The following LINS1 variants were observed in gnomAD, a reference collection of about 807,000 sequenced individuals.
LINS1 encodes the protein lines homolog 1.
LINS1 carries 27 observed loss-of-function variants against 41.6 expected under a neutral mutation model. The observed-to-expected ratio is 0.65, with a 90% CI of 0.48 to 0.89. LINS1 has a LOEUF of 0.89. LINS1 is among the 40% of genes least tolerant of loss of function. The pLI, the probability that LINS1 is intolerant of heterozygous loss-of-function variation, is 0.00. For synonymous variants in LINS1, 336 were observed against 312.9 expected (o/e 1.07, Z -0.78); for missense variants, 955 against 884.1 (o/e 1.08, Z -1.02).
rs183048812 is a variant in LINS1, at chr15:100,572,789, T to C, written c.1223-724A>G. On this transcript the variant is annotated intron_variant, in intron 5 of 6. Transcript: ENST00000314742. Reference sequence around the variant, plus strand: ...AGACTTTGAACTCCTGAGTTACTATTCTGGAAATTATATATGTAACAATTT... The same window carrying C: ...AGACTTTGAACTCCTGAGTTACTATCCTGGAAATTATATATGTAACAATTT... 2,916 of 967,512 alleles carry C rather than the reference T, an allele frequency of 3.0e-3. 2 individuals are homozygous for C. Among genetic ancestry groups the C allele is most frequent in the Non-Finnish European group, 3.3e-3 (2,706 of 813,248 alleles). The allele number at this position is 967,512 out of a possible 1,614,324, so 59.9% of individuals were successfully genotyped here.
intron 1 of LINS1, among the ~76,000 whole-genome samples, chr15:100,592,558 A>G (rs1334871472): frequency 6.6e-6 from 1 of 150,386 alleles, no homozygotes; most frequent in Non-Finnish European, 1.5e-5. Flanking sequence ...CCTCATTAAC[A>G]TAACCTGGGG....
In LINS1 at chr15:100,569,576, T is replaced by C; in HGVS notation, c.1936A>G (p.Asn646Asp). 5.0e-6 allele frequency: 8 copies of C among 1,614,046 alleles called. No homozygotes were observed. The highest frequency in any genetic ancestry group is 6.8e-6 in the Non-Finnish European group (8 of 1,179,880). Reference sequence around the variant, plus strand: ...TGGTGTAAAGATGTCTGTTTACTGTTAGCTAAACACTGCTCTGTGGATTCC... The same window carrying C: ...TGGTGTAAAGATGTCTGTTTACTGTCAGCTAAACACTGCTCTGTGGATTCC... ...DVESTEQCLA[N>D]SKQTSLHQQA... Residue 646 changes from asparagine to aspartate, a missense_variant, in exon 7 of 7, where the codon AAC becomes GAC. Physicochemically the swap from Asn to Asp is conservative, Grantham distance 23. Transcript: ENST00000314742.
chr15:100,569,614 T>G lies in LINS1; in HGVS notation c.1898A>C (p.Asp633Ala). Residue 633 changes from aspartate (D) to alanine (A), a missense_variant, in exon 7 of 7, where the codon GAC becomes GCC. Transcript: ENST00000314742. Reference protein sequence around the residue: ...SQSLVDYDSSDDSDVESTEQC... With the variant: ...SQSLVDYDSSADSDVESTEQC... The stretch of plus-strand genomic sequence containing the variant: ...CTCTGTGGATTCCACGTCAGAATCG[T>G]CAGAGCTGTCGTAATCTACCAGACT... 2 of 1,613,350 alleles carry G rather than the reference T, an allele frequency of 1.2e-6. No individual in the cohort carries two copies. The highest frequency in any genetic ancestry group is 8.5e-7 in the Non-Finnish European group (1 of 1,179,402).
Position 100,568,448 on chromosome 15 carries a change from C to CTGTG in LINS1, c.*789_*790insCACA, listed in dbSNP as rs2037633105. The CTGTG allele has an allele frequency of 6.6e-6, 1 of 152,212 alleles. No individual in the cohort carries two copies. Among genetic ancestry groups the CTGTG allele is most frequent in the African/African-American group, 2.4e-5 (1 of 41,434 alleles). The allele number at this position is 152,212 out of a possible 1,614,324, so 9.4% of individuals were successfully genotyped here. The stretch of plus-strand genomic sequence containing the variant: ...GTAGGAGGGAAACTGGACACAGACA[C>CTGTG]AGGAAAATGCCATGTGAGGCAGGAA... On this transcript the variant is annotated 3_prime_UTR_variant, in exon 7 of 7. Transcript: ENST00000314742.
At chr15:100,581,960 G>T (rs538232420) in intron 1 of LINS1, among the ~76,000 whole-genome samples, 2 of 152,330 alleles carry the variant, frequency 1.3e-5, no homozygotes, top group South Asian at 4.1e-4. Flanking sequence ...CATTTTATAT[G>T]GGTTGTGATT....
intron 1 of LINS1, among the ~76,000 whole-genome samples, chr15:100,593,055 G>A (rs2039106257): frequency 6.6e-6 from 1 of 152,220 alleles, no homozygotes. Flanking sequence ...TCTGAGGTTT[G>A]CACATCTCAT....
At chr15:100,598,925 A>G (rs1486306604) in intron 1 of LINS1, among the ~76,000 whole-genome samples, 1 of 152,212 alleles carries the variant, frequency 6.6e-6, no homozygotes, top group Non-Finnish European at 1.5e-5. Context: ...CCTCCTGGGC[A>G]GTGGTCCTTG....
chr15:100,591,880 G>C (rs1596960199), intron 1 of LINS1, among the ~76,000 whole-genome samples: 1 of 152,230 alleles, frequency 6.6e-6, no homozygotes, highest in African/African-American at 2.4e-5. Flanking sequence ...ATAGACCATT[G>C]GTCCCTCTGC....
intron 1 of LINS1, among the ~76,000 whole-genome samples, chr15:100,600,073 AAAAC>A (rs1332501654): frequency 1.3e-5 from 2 of 152,182 alleles, no homozygotes; most frequent in South Asian, 2.1e-4. Flanking sequence ...CTCAAAAACA[AAAAC>A]AAACAAAATT....
chr15:100,575,446 C>A (rs145775155), intron 3 of LINS1, among the ~76,000 whole-genome samples: 35 of 152,192 alleles, frequency 2.3e-4, no homozygotes, highest in African/African-American at 7.5e-4. Context: ...CATAATGGTA[C>A]AGGGATCAAT....
At chr15:100,571,120 CCAAA>C (rs1555543368) in intron 6 of LINS1, among the ~76,000 whole-genome samples, 2 of 152,128 alleles carry the variant, frequency 1.3e-5, no homozygotes, top group Non-Finnish European at 2.9e-5. Flanking sequence ...AAAATTGGCC[CCAAA>C]CACTCAAGAG....
In LINS1 at chr15:100,569,875, T is replaced by C. The variant is rs749543065; in HGVS notation, c.1637A>G (p.Asp546Gly). 6.2e-7 allele frequency: 1 copy of C among 1,613,846 alleles called. No individual in the cohort carries two copies. The highest frequency in any genetic ancestry group is 1.1e-5 in the South Asian group (1 of 91,000). Reference protein sequence around the residue: ...DNFFTICNNFDATESKYDISI... With the variant: ...DNFFTICNNFGATESKYDISI... ...TATGTCATATTTAGATTCAGTTGCATCAAAGTTATTGCAAATGGTGAAAAA... is the reference window on the plus strand; with the variant it reads ...TATGTCATATTTAGATTCAGTTGCACCAAAGTTATTGCAAATGGTGAAAAA... Residue 546 changes from aspartate to glycine, a missense_variant, in exon 7 of 7, where the codon GAT (aspartate) becomes GGT (glycine). Asp to Gly is a moderately conservative substitution (Grantham distance 94). Transcript: ENST00000314742.
At chr15:100,592,907 C>T (rs965408939) in intron 1 of LINS1, among the ~76,000 whole-genome samples, 2 of 152,136 alleles carry the variant, frequency 1.3e-5, no homozygotes, top group Non-Finnish European at 1.5e-5. Flanking sequence ...AATAAATGTC[C>T]GTGGGTAGCC....
rs1305230412 is a variant in LINS1 at position 100,573,866 on chromosome 15, G to A, written c.1007C>T (p.Ala336Val). 3.7e-6 allele frequency: 6 copies of A among 1,614,222 alleles called. No individual in the cohort carries two copies. Among genetic ancestry groups the A allele is most frequent in the South Asian group, 1.1e-5 (1 of 91,076 alleles). Reference sequence around the variant, plus strand: ...AGCTTGCAAAACAGCATTAGCTAAAGCCAGCATGTCCACCGCTACATGATG... The same window carrying A: ...AGCTTGCAAAACAGCATTAGCTAAAACCAGCATGTCCACCGCTACATGATG... ...PDHHVAVDML[A>V]LANAVLQAVN... The change falls in exon 5 of 7, where the codon GCT (alanine) becomes GTT (valine). Residue 336 changes from alanine to valine, a missense_variant. Coordinates refer to ENST00000314742, the MANE Select transcript of LINS1 (RefSeq NM_001040616.3).
intron 1 of LINS1, among the ~76,000 whole-genome samples, chr15:100,583,998 A>G (rs1001251430): frequency 1.3e-5 from 2 of 151,524 alleles, no homozygotes; most frequent in Admixed American, 1.3e-4. Flanking sequence ...CAACAAATGG[A>G]ATTATTTTTA....
chr15:100,595,056 G>C (rs1290095140), intron 1 of LINS1, among the ~76,000 whole-genome samples: 1 of 152,056 alleles, frequency 6.6e-6, no homozygotes, highest in African/African-American at 2.4e-5. Context: ...TTTTACAAAA[G>C]TCAACCCTAA....
rs916616330 is a variant in LINS1, at chr15:100,566,927, G to A, written c.*2311C>T. The A allele has an allele frequency of 1.3e-5, 2 of 152,184 alleles. No homozygotes were observed. The highest frequency in any genetic ancestry group is 1.9e-4 in the East Asian group (1 of 5,196). 9.4% of individuals were successfully genotyped at this position (152,184 alleles called of 1,614,324 possible). A position where few individuals can be genotyped will look rare whatever the true frequency, so the allele number is the denominator to read the frequency against. Reference sequence around the variant, plus strand: ...CAAAACCACATCTGCATAAGCATGAGTTATAATGCATTCAACATTTATGTA... The same window carrying A: ...CAAAACCACATCTGCATAAGCATGAATTATAATGCATTCAACATTTATGTA... On this transcript the variant is annotated 3_prime_UTR_variant, in exon 7 of 7. Coordinates refer to ENST00000314742, the MANE Select transcript of LINS1 (RefSeq NM_001040616.3).
At chr15:100,601,830 T>C (rs2039510989) in intron 1 of LINS1, among the ~76,000 whole-genome samples, 1 of 152,084 alleles carries the variant, frequency 6.6e-6, no homozygotes, top group African/African-American at 2.4e-5. Flanking sequence ...GTTGCTATCC[T>C]TTCAGGAAGG....
At chr15:100,583,295 C>A (rs1267810391) in intron 1 of LINS1, among the ~76,000 whole-genome samples, 1 of 152,252 alleles carries the variant, frequency 6.6e-6, no homozygotes, top group Admixed American at 6.5e-5. Context: ...GGCCCACTAG[C>A]CTAGTCTTGG....
Sources: allele counts gnomAD v4.1 joint callset (sites outside exome capture counted in the v4.1 genomes callset), GRCh38; gene constraint gnomAD v4.1.1; transcripts MANE v1.5; gene names NCBI Gene and HGNC (gene_info 2026-07-23, HGNC 2026-07-21).